Variants in ABCA9 observed in about 807,000 individuals in gnomAD.
The protein encoded by ABCA9 is ATP binding cassette subfamily A member 9, also known as ATP-binding cassette sub-family A member 9.
Under a neutral mutation model 205.3 loss-of-function variants are expected in ABCA9, and 183 were observed. That is an observed-to-expected ratio of 0.89 (90% CI 0.79 to 1.01). The LOEUF (loss-of-function observed/expected upper bound fraction) is 1.01. ABCA9 is among the 50% of genes least tolerant of loss of function. The pLI is 0.00. For missense variants in ABCA9, 1,805 were observed against 1,912.4 expected (o/e 0.94, Z 1.05); for synonymous variants, 651 against 683.3 (o/e 0.95, Z 0.74).
chr17:69,078,811 T>C, the ABCA9 span: 2 of 487,478 alleles, frequency 4.1e-6, no homozygotes, highest in African/African-American at 4.0e-5. Flanking sequence ...ACCCCTATGT[T>C]TGAGAGGAAG....
rs147163678 is a variant in ABCA9, at chr17:68,985,919, G to A, written c.4208+245C>T. Among the ~76,000 whole-genome samples, 391 of 152,104 alleles carry A rather than the reference G, an allele frequency of 2.6e-3. 1 individual carries two copies. The highest frequency in any genetic ancestry group is 9.0e-3 in the African/African-American group (373 of 41,486). On this transcript the variant is annotated intron_variant, in intron 32 of 38. Transcript: ENST00000340001. ...TTGCACTGAGCACTCCAGCCTGGGC[G>A]GCAGAGCCAAACTCCGTCTCAAAAG...
chr17:69,031,225 A>G (rs1156328123), intron 10 of ABCA9, among the ~76,000 whole-genome samples: 1 of 152,166 alleles, frequency 6.6e-6, no homozygotes, highest in Admixed American at 6.5e-5. Flanking sequence ...AAGGCTTCCT[A>G]TGATCTCTCT....
chr17:69,026,389 C>A lies in ABCA9; in HGVS notation c.2129G>T (p.Gly710Val). Residue 710 changes from glycine to valine, a missense_variant, in exon 16 of 39, where the codon GGC (glycine) becomes GTC (valine). Gly to Val is a moderately radical substitution (Grantham distance 109). Transcript: ENST00000340001. ...TTCAGGGCTGTACCTTAAATGGTAG[C>A]CTATGCCCCATTTCTTCTTAAGGAA... ...SLFLKKKWGI[G>V]YHLSLHLNER... 6.2e-7 allele frequency: 1 copy of A among 1,613,258 alleles called. No individual in the cohort carries two copies. Among genetic ancestry groups the A allele is most frequent in the South Asian group, 1.1e-5 (1 of 91,026 alleles).
At chr17:69,025,955 T>C (rs1342024125) in intron 16 of ABCA9, among the ~76,000 whole-genome samples, 1 of 151,820 alleles carries the variant, frequency 6.6e-6, no homozygotes, top group Admixed American at 6.6e-5. Context: ...TAGACATTAC[T>C]CAGTAATGAT....
chr17:69,026,965 C>T lies in ABCA9; in HGVS notation c.2050+11G>A, dbSNP rs373529321. The T allele has an allele frequency of 6.3e-5, 101 of 1,613,310 alleles. No individual in the cohort carries two copies. Among genetic ancestry groups the T allele is most frequent in the East Asian group, 6.2e-4 (28 of 44,824 alleles). On this transcript the variant is annotated intron_variant, in intron 15 of 38. Coordinates refer to ENST00000340001, the MANE Select transcript of ABCA9 (RefSeq NM_080283.4). Reference sequence around the variant, plus strand: ...CTCTCATGAAGATACATAAGAGAAACAAAAAATTACCCGCCAGAATGTCAG... The same window carrying T: ...CTCTCATGAAGATACATAAGAGAAATAAAAAATTACCCGCCAGAATGTCAG...
chr17:69,003,023 GAT>G (rs1432152746), intron 25 of ABCA9, among the ~76,000 whole-genome samples: 11 of 149,742 alleles, frequency 7.3e-5, no homozygotes, highest in Non-Finnish European at 1.5e-5. Context: ...CTGCATGTGA[GAT>G]AGGTTTCCTG....
intron 37 of ABCA9, among the ~76,000 whole-genome samples, chr17:68,978,663 A>G (rs1239783103): frequency 1.3e-5 from 2 of 152,036 alleles, no homozygotes; most frequent in Non-Finnish European, 2.9e-5. Context: ...GGCAGGCCTG[A>G]TGGTGACAAA....
At chr17:68,991,033 A>T in intron 28 of ABCA9, 76 bp from the exon 29 acceptor site, 1 of 1,520,360 alleles carries the variant, frequency 6.6e-7, no homozygotes, top group South Asian at 1.3e-5. Flanking sequence ...TTTTCTCTAT[A>T]CTTCCAATTT....
At chr17:68,981,990 C>T (rs1207406908) in intron 37 of ABCA9, among the ~76,000 whole-genome samples, 1 of 152,058 alleles carries the variant, frequency 6.6e-6, no homozygotes, top group East Asian at 1.9e-4. Context: ...AAACCAAGCC[C>T]CTGATACATT....
chr17:69,002,161 C>A (rs1440065804), intron 25 of ABCA9, among the ~76,000 whole-genome samples: 1 of 133,326 alleles, frequency 7.5e-6, no homozygotes, highest in African/African-American at 2.9e-5. Context: ...CTTCTGCTAG[C>A]TTTTGAATGT....
In ABCA9 at chr17:69,044,530, A is replaced by G; in HGVS notation, c.540T>C (p.Ala180=). ...GSEFWEKGFV[A]FQAAINAAII... is the part of the protein sequence containing the mutation. ...TAGCAGCATTAATGGCAGCTTGAAA[A>G]GCTACAAAGCCTTTCTCCCAGAACT... Residue 180 remains alanine (A), a synonymous_variant, in exon 5 of 39, where the codon GCT becomes GCC. Transcript: ENST00000340001. The G allele has an allele frequency of 6.2e-7, 1 of 1,613,206 alleles. No individual in the cohort carries two copies. The highest frequency in any genetic ancestry group is 8.5e-7 in the Non-Finnish European group (1 of 1,179,526).
chr17:68,990,692 T>C, intron 29 of ABCA9, 145 bp downstream of exon 29: 1 of 957,610 alleles, frequency 1.0e-6, no homozygotes, highest in South Asian at 1.7e-5. Flanking sequence ...TTTGTGGGCC[T>C]TGCATACCTG....
At chr17:68,991,074 C>T in intron 28 of ABCA9, 117 bp from the exon 29 acceptor site, 1 of 1,137,246 alleles carries the variant, frequency 8.8e-7, no homozygotes, top group Non-Finnish European at 1.2e-6. Context: ...GCACAACATC[C>T]TCTCTATTCT....
rs545586028 is a variant in ABCA9, at chr17:69,045,680, T to C, written c.305-344A>G. On this transcript the variant is annotated intron_variant, in intron 3 of 38. Transcript: ENST00000340001. ...ACAGTTCCCTATGACTGGGGAAGCC[T>C]CAGGAAACTTACAATCATAGCAGAA... Among the ~76,000 whole-genome samples, 9 of 152,176 alleles carry C rather than the reference T, an allele frequency of 5.9e-5. No homozygotes were observed. The South Asian group carries it at 1.9e-3, about 32-fold the overall frequency.
the ABCA9 span, among the ~76,000 whole-genome samples, chr17:69,077,373 T>G: frequency 6.6e-6 from 1 of 152,160 alleles, no homozygotes; most frequent in Non-Finnish European, 1.5e-5. Context: ...GAGAGTATGG[T>G]TGGTATGATT....
At chr17:69,005,385 A>G (rs1181939392) in intron 25 of ABCA9, among the ~76,000 whole-genome samples, 3 of 152,152 alleles carry the variant, frequency 2.0e-5, no homozygotes, top group East Asian at 1.9e-4. Flanking sequence ...CCACAGTCCA[A>G]TTCAGTCCAG....
intron 3 of ABCA9, among the ~76,000 whole-genome samples, chr17:69,045,645 T>G (rs1422853141): frequency 1.3e-5 from 2 of 152,162 alleles, no homozygotes; most frequent in Non-Finnish European, 2.9e-5. Flanking sequence ...GAAAGAAGTT[T>G]AATTGACTCA....
At chr17:69,030,275 AT>A (rs2071115338) in intron 10 of ABCA9, among the ~76,000 whole-genome samples, 1 of 152,138 alleles carries the variant, frequency 6.6e-6, no homozygotes, top group Admixed American at 6.5e-5. Context: ...GTGTCAATAG[AT>A]TTGGCTTCTG....
intron 21 of ABCA9, among the ~76,000 whole-genome samples, chr17:69,017,121 T>G (rs2144262124): frequency 6.6e-6 from 1 of 152,272 alleles, no homozygotes; most frequent in East Asian, 1.9e-4. Context: ...GGCATGGAGT[T>G]TATTCCTGAA....
Sources: gnomAD v4.1 joint callset for allele counts (sites outside exome capture counted in the v4.1 genomes callset) on GRCh38, gnomAD v4.1.1 for gene constraint, MANE v1.5 for transcripts, NCBI Gene and HGNC (gene_info 2026-07-23, HGNC 2026-07-21) for gene names.